The following DNM3 variants were observed in gnomAD, a reference collection of about 807,000 sequenced individuals.
DNM3 encodes the protein dynamin 3.
Under a neutral mutation model 101.6 loss-of-function variants are expected in DNM3, and 47 were observed. The observed-to-expected ratio is 0.46, with a 90% CI of 0.37 to 0.59. DNM3 has a LOEUF of 0.59. Among genes scored for constraint, DNM3 ranks in the 20% least tolerant of loss-of-function variants. The pLI is 0.00. For synonymous variants in DNM3, 385 were observed against 387.9 expected (o/e 0.99, Z 0.09); for missense variants, 849 against 1,085.7 (o/e 0.78, Z 3.06).
chr1:172,415,260 A>T (rs2071387275), downstream of DNM3: 1 of 152,188 alleles, frequency 6.6e-6, no homozygotes, highest in African/African-American at 2.4e-5. Flanking sequence ...TCTTAATGAG[A>T]CTTATGAAGG....
intron 10 of DNM3, among the ~76,000 whole-genome samples, chr1:172,056,080 C>T (rs920794144): frequency 9.9e-5 from 15 of 152,154 alleles, no homozygotes; most frequent in Admixed American, 1.3e-4. Context: ...AAAGGGGTGA[C>T]GGACGGCACC....
intron 10 of DNM3, among the ~76,000 whole-genome samples, chr1:172,059,716 A>G (rs2050996024): frequency 7.3e-6 from 1 of 136,192 alleles, no homozygotes; most frequent in Non-Finnish European, 1.5e-5. Context: ...AGAGCTATCT[A>G]TGACAAACCC....
intron 1 of DNM3, among the ~76,000 whole-genome samples, chr1:171,895,525 A>ATTC (rs200558992): frequency 0.02 from 2,989 of 152,152 alleles, 90 homozygotes; most frequent in African/African-American, 0.067. Flanking sequence ...TTCTTTGTAG[A>ATTC]TTCTGGATAT....
At chr1:172,041,674 G>A (rs577455273) in intron 7 of DNM3, among the ~76,000 whole-genome samples, 4 of 152,094 alleles carry the variant, frequency 2.6e-5, no homozygotes, top group Admixed American at 1.3e-4. Context: ...TAGGAGTTCA[G>A]GTCCATTTGA....
intron 14 of DNM3, among the ~76,000 whole-genome samples, chr1:172,162,897 A>G (rs2058595190): frequency 6.6e-6 from 1 of 152,102 alleles, no homozygotes; most frequent in South Asian, 2.1e-4. Flanking sequence ...ATACTTGTGA[A>G]ATCTTTTAAA....
chr1:172,286,345 T>C (rs2148803237), intron 15 of DNM3, among the ~76,000 whole-genome samples: 1 of 152,316 alleles, frequency 6.6e-6, no homozygotes, highest in South Asian at 2.1e-4. Flanking sequence ...ATTGTGGTTC[T>C]CTCTGCTTTC....
At chr1:171,948,703 G>T (rs1037308007) in intron 2 of DNM3, among the ~76,000 whole-genome samples, 1 of 152,078 alleles carries the variant, frequency 6.6e-6, no homozygotes, top group Non-Finnish European at 1.5e-5. Context: ...TTTCCTGAAA[G>T]AGCCAAATTC....
intron 10 of DNM3, among the ~76,000 whole-genome samples, chr1:172,052,121 A>G (rs2050246916): frequency 6.6e-6 from 1 of 152,100 alleles, no homozygotes; most frequent in African/African-American, 2.4e-5. Flanking sequence ...CTCACTTTCA[A>G]TGAAGGTTTC....
chr1:171,879,156 A>G (rs1481766432), intron 1 of DNM3, among the ~76,000 whole-genome samples: 1 of 152,240 alleles, frequency 6.6e-6, no homozygotes, highest in Non-Finnish European at 1.5e-5. Context: ...AAACTAACAT[A>G]TCTTCAGGGT....
chr1:172,120,495 T>C (rs2056237555), intron 13 of DNM3, among the ~76,000 whole-genome samples: 1 of 152,202 alleles, frequency 6.6e-6, no homozygotes, highest in African/African-American at 2.4e-5. Context: ...AGCCTTCCCA[T>C]TTCTCTCAGG....
chr1:172,004,154 T>C (rs1184453359), intron 4 of DNM3, among the ~76,000 whole-genome samples: 2 of 151,980 alleles, frequency 1.3e-5, no homozygotes, highest in Non-Finnish European at 2.9e-5. Flanking sequence ...AAAGAATCTG[T>C]ATGTTTTGAG....
intron 1 of DNM3, among the ~76,000 whole-genome samples, chr1:171,920,090 A>G (rs1401874706): frequency 6.6e-6 from 1 of 152,236 alleles, no homozygotes; most frequent in East Asian, 1.9e-4. Flanking sequence ...TCATTAACTT[A>G]AGGTTGTTCA....
intron 15 of DNM3, among the ~76,000 whole-genome samples, chr1:172,277,115 T>C (rs1359766958): frequency 6.6e-6 from 1 of 152,044 alleles, no homozygotes; most frequent in Non-Finnish European, 1.5e-5. Context: ...ACAAAAATGG[T>C]CCTTGTCCTC....
intron 2 of DNM3, among the ~76,000 whole-genome samples, chr1:171,960,773 G>A (rs765492465): frequency 2.1e-4 from 32 of 152,194 alleles, no homozygotes; most frequent in Admixed American, 1.1e-3. Context: ...AGAGTTCATC[G>A]GTTTTAAAAT....
intron 14 of DNM3, among the ~76,000 whole-genome samples, chr1:172,220,190 C>T (rs2060856190): frequency 6.6e-6 from 1 of 152,150 alleles, no homozygotes; most frequent in African/African-American, 2.4e-5. Context: ...CCCATTTTGG[C>T]AGCTGTAGCA....
intron 13 of DNM3, chr1:172,093,718 G>T (rs749669187): frequency 6.2e-7 from 1 of 1,606,900 alleles, no homozygotes; most frequent in Non-Finnish European, 8.5e-7. Context: ...CCGCCTTCAA[G>T]GCAAATTGTA....
chr1:172,027,334 C>G (rs778714321), intron 4 of DNM3, among the ~76,000 whole-genome samples: 2 of 152,054 alleles, frequency 1.3e-5, no homozygotes, highest in Non-Finnish European at 2.9e-5. Flanking sequence ...CCTGTAATCC[C>G]AGCACTTTAG....
chr1:171,983,394 G>C (rs906774809), intron 2 of DNM3, among the ~76,000 whole-genome samples: 2 of 84,120 alleles, frequency 2.4e-5, no homozygotes, highest in Admixed American at 1.8e-4. Context: ...GGAGGTTGAG[G>C]CTGCCTTAAA....
At chr1:172,234,525 A>G (rs1049165718) in intron 14 of DNM3, among the ~76,000 whole-genome samples, 1 of 152,190 alleles carries the variant, frequency 6.6e-6, no homozygotes, top group Non-Finnish European at 1.5e-5. Flanking sequence ...CAGAATTGGA[A>G]AAAGCTACTT....
Sources: gnomAD v4.1 joint callset for allele counts (sites outside exome capture counted in the v4.1 genomes callset) on GRCh38, gnomAD v4.1.1 for gene constraint, MANE v1.5 for transcripts, NCBI Gene and HGNC (gene_info 2026-07-23, HGNC 2026-07-21) for gene names.